RGS12: variants seen among roughly 807,000 people sequenced by gnomAD.
RGS12 encodes the protein regulator of G protein signaling 12.
A neutral mutation model predicts 120.1 loss-of-function variants in RGS12; 66 were observed. The observed-to-expected ratio is 0.55, with a 90% confidence interval of 0.45 to 0.67. The LOEUF is 0.67. RGS12 is among the 30% of genes least tolerant of loss of function. The pLI, the probability that RGS12 is intolerant of heterozygous loss-of-function variation, is 0.00. For synonymous variants in RGS12, 827 were observed against 804.7 expected (o/e 1.03, Z -0.47); for missense variants, 1,859 against 1,957.7 (o/e 0.95, Z 0.95).
chr4:3,414,933 G>A, intron 6 of RGS12, 89 bp downstream of exon 6: 1 of 938,288 alleles, frequency 1.1e-6, no homozygotes, highest in South Asian at 1.4e-5. Flanking sequence ...CCACGTGTGT[G>A]AGGGGCATGT....
intron 4 of RGS12, chr4:3,413,869 G>T (rs930833480): frequency 5.3e-6 from 3 of 562,936 alleles, no homozygotes; most frequent in African/African-American, 1.9e-5. Flanking sequence ...CAAGGTTGGG[G>T]TCTGTGTTTT....
chr4:3,362,645 G>T (rs1715750123), intron 3 of RGS12, among the ~76,000 whole-genome samples: 1 of 140,942 alleles, frequency 7.1e-6, no homozygotes, highest in Non-Finnish European at 1.5e-5. Flanking sequence ...GAGAGTGAGG[G>T]TGTGTCAGTG....
At chr4:3,417,615 G>A (rs1170390689) in intron 9 of RGS12, 74 bp downstream of exon 9, 7 of 1,538,722 alleles carry the variant, frequency 4.5e-6, no homozygotes, top group African/African-American at 4.1e-5. Flanking sequence ...CGCTCTGGTG[G>A]TTGGCGGTGA....
At chr4:3,404,451 G>A (rs529994919) in intron 4 of RGS12, among the ~76,000 whole-genome samples, 5 of 152,356 alleles carry the variant, frequency 3.3e-5, no homozygotes, top group African/African-American at 4.8e-5. Context: ...TAAGCTGGGC[G>A]AGTAAGTAGG....
chr4:3,375,811 G>A (rs186826363), intron 3 of RGS12, among the ~76,000 whole-genome samples: 1 of 152,138 alleles, frequency 6.6e-6, no homozygotes, highest in Non-Finnish European at 1.5e-5. Context: ...GCTGTGTTAC[G>A]CCAGTCCCTG....
Position 3,369,972 on chromosome 4 carries a change from A to G in RGS12, c.1999-16444A>G, listed in dbSNP as rs1035161588. On this transcript the variant is annotated intron_variant, in intron 3 of 17. Transcript: ENST00000336727. ...TCTGCAGCTGTTTTACTGACTGAGA[A>G]ATTACCCCTGTCGGCCGAAGTTTTA... 3 of 1,185,338 alleles carry G rather than the reference A, an allele frequency of 2.5e-6. No homozygotes were observed. The African/African-American group carries it at 4.7e-5, about 19-fold the overall frequency. The allele number at this position is 1,185,338 out of a possible 1,614,324, so 73.4% of individuals were successfully genotyped here. A position where few individuals can be genotyped will look rare whatever the true frequency, so the allele number is the denominator to read the frequency against.
chr4:3,371,169 T>C (rs191532133), intron 3 of RGS12, among the ~76,000 whole-genome samples: 98 of 152,362 alleles, frequency 6.4e-4, no homozygotes, highest in African/African-American at 2.3e-3. Context: ...AGGGCCAGCA[T>C]GAGCCTGATG....
At position 3,362,932 on chromosome 4, in the gene RGS12, C is replaced by T. The variant is rs557989522; in HGVS notation, c.1998+19879C>T. Among the ~76,000 whole-genome samples the T allele has an allele frequency of 1.7e-4, 20 of 119,862 alleles. No individual in the cohort carries two copies. The East Asian group carries it at 2.8e-3, about 17-fold the overall frequency. 78.6% of individuals were successfully genotyped at this position (119,862 alleles called of 152,430 possible). ...GTGCATGGCAAGGCCATTTGGAACG[C>T]GAAGGGGTGTGTGTGCACGTGCCAG... On this transcript the variant is annotated intron_variant, in intron 3 of 17. Transcript: ENST00000336727.
Position 3,342,992 on chromosome 4 carries a change from C to T in RGS12, c.1937C>T (p.Ala646Val), listed in dbSNP as rs746636243. The T allele has an allele frequency of 8.1e-6, 13 of 1,613,870 alleles. No homozygotes were observed. The South Asian group carries it at 1.4e-4, about 18-fold the overall frequency. ...ACTCAGCCTTCTCAACGCACGTCTG[C>T]TCGGAGATCATTTGGGAGATCCAAG... ...GLTQPSQRTS[A>V]RRSFGRSKRF... is the part of the protein sequence containing the mutation. Residue 646 changes from alanine (A) to valine (V), a missense_variant, in exon 3 of 18, where the codon GCT becomes GTT. Transcript: ENST00000336727.
chr4:3,428,306 C>G (rs777084926), intron 15 of RGS12, 137 bp downstream of exon 15: 6 of 896,214 alleles, frequency 6.7e-6, no homozygotes, highest in East Asian at 5.1e-5. Context: ...CGGGGTCTCT[C>G]TCGTCCCTGC....
rs765670719 is a variant in RGS12 at position 3,439,507 on chromosome 4, G to A, written c.4167G>A (p.Val1389=). 1 of 1,612,854 alleles carries A rather than the reference G, an allele frequency of 6.2e-7. No individual in the cohort carries two copies. The highest frequency in any genetic ancestry group is 1.3e-5 in the African/African-American group (1 of 75,052). ...TCCCAGTCAACAGAATCATCGATGT[G>A]GATCTTGTAACTGGCTCGGCGCCCG... ...RDLPVNRIID[V]DLVTGSAPGR... Residue 1389 remains valine, a synonymous_variant, in exon 18 of 18, where the codon GTG becomes GTA. Transcript: ENST00000336727.
chr4:3,342,599 G>A (rs1343562955), intron 2 of RGS12: 1 of 1,316,548 alleles, frequency 7.6e-7, no homozygotes, highest in Non-Finnish European at 9.9e-7. Flanking sequence ...CACTTTCCAA[G>A]CACCCTTGCA....
chr4:3,356,639 G>A (rs1055577473), intron 3 of RGS12, among the ~76,000 whole-genome samples: 2 of 150,444 alleles, frequency 1.3e-5, no homozygotes, highest in Admixed American at 6.7e-5. Flanking sequence ...AAGTGAAATC[G>A]TACAGTATTT....
At chr4:3,354,498 C>A (rs1439402540) in intron 3 of RGS12, among the ~76,000 whole-genome samples, 2 of 152,180 alleles carry the variant, frequency 1.3e-5, no homozygotes, top group African/African-American at 4.8e-5. Flanking sequence ...AGCTGATGAA[C>A]CTGGGCATTA....
At chr4:3,408,147 T>C (rs1029299454) in intron 4 of RGS12, among the ~76,000 whole-genome samples, 1 of 152,204 alleles carries the variant, frequency 6.6e-6, no homozygotes, top group Non-Finnish European at 1.5e-5. Context: ...AGCAGGCCAG[T>C]GAGTTACAGA....
At chr4:3,396,663 G>T (rs12648723) in intron 4 of RGS12, among the ~76,000 whole-genome samples, 3 of 151,880 alleles carry the variant, frequency 2.0e-5, no homozygotes, top group East Asian at 3.9e-4. Context: ...CGTAATTCTC[G>T]TCCCTGGCAT....
intron 2 of RGS12, among the ~76,000 whole-genome samples, chr4:3,335,239 G>A (rs544098751): frequency 2.6e-5 from 4 of 152,234 alleles, no homozygotes; most frequent in African/African-American, 7.2e-5. Context: ...AACGTGCTTT[G>A]CTATGACCCA....
Position 3,422,350 on chromosome 4 carries a change from C to T in RGS12, c.2839-26C>T, listed in dbSNP as rs377294965. On this transcript the variant is annotated intron_variant, in intron 10 of 17. Transcript: ENST00000336727. ...CACCCCTGTGACGCTGGTTCCCTCA[C>T]GGCTGCTTGTCTCGCTGCTCCCCAG... 5 of 1,594,234 alleles carry T rather than the reference C, an allele frequency of 3.1e-6. No individual in the cohort carries two copies. In the African/African-American group the frequency reaches 6.7e-5, roughly 21 times the overall value.
At chr4:3,354,072 A>G (rs950449002) in intron 3 of RGS12, among the ~76,000 whole-genome samples, 1 of 152,076 alleles carries the variant, frequency 6.6e-6, no homozygotes, top group Non-Finnish European at 1.5e-5. Context: ...AATGGCTCAC[A>G]TTTTTCAAAT....
Sources: allele counts gnomAD v4.1 joint callset (sites outside exome capture counted in the v4.1 genomes callset), GRCh38; gene constraint gnomAD v4.1.1; transcripts MANE v1.5; gene names NCBI Gene and HGNC (gene_info 2026-07-23, HGNC 2026-07-21).